The following PKHD1 variants were observed in gnomAD, a reference collection of about 807,000 sequenced individuals.
PKHD1 encodes the protein PKHD1 ciliary IPT domain containing fibrocystin/polyductin, also known as fibrocystin.
In PKHD1, 291 loss-of-function variants were observed where a neutral mutation model predicts 412.0. That is an observed-to-expected ratio of 0.71 (90% confidence interval 0.64 to 0.78). PKHD1 has a LOEUF of 0.78. PKHD1 is among the 30% of genes least tolerant of loss of function. PKHD1 has a pLI of 0.00. For missense variants in PKHD1, 4,825 were observed against 4,950.7 expected (o/e 0.97, Z 0.76); for synonymous variants, 1,777 against 1,821.5 (o/e 0.98, Z 0.62).
Position 51,659,102 on chromosome 6 carries a change from G to A in PKHD1, c.11024C>T (p.Thr3675Ile). 2 of 1,613,834 alleles carry A rather than the reference G, an allele frequency of 1.2e-6. No individual in the cohort carries two copies. Among genetic ancestry groups the A allele is most frequent in the Non-Finnish European group, 1.7e-6 (2 of 1,179,864 alleles). ...ACTTGATAAGGATGAAATCATTCCA[G>A]TGCTCCTTACTGTTGGCGAATCACC... ...EIGDSPTVRS[T>I]GMISSLSSNK... Residue 3675 changes from threonine to isoleucine, a missense_variant, in exon 61 of 67, where the codon ACT becomes ATT. By Grantham distance (89) the Thr-to-Ile change is moderately conservative. Coordinates refer to ENST00000371117, the MANE Select transcript of PKHD1 (RefSeq NM_138694.4).
chr6:52,076,209 C>A, intron 6 of PKHD1, 67 bp downstream of exon 6: 1 of 1,105,526 alleles, frequency 9.0e-7, no homozygotes, highest in East Asian at 2.4e-5. Flanking sequence ...AACCACTCAC[C>A]TAGGTTTGCA....
chr6:51,842,808 G>A (rs1281040585), intron 50 of PKHD1, among the ~76,000 whole-genome samples: 2 of 152,218 alleles, frequency 1.3e-5, no homozygotes, highest in East Asian at 3.8e-4. Context: ...CCTAAGTGCT[G>A]ACACAGGAGT....
chr6:51,998,226 A>G, intron 35 of PKHD1, among the ~76,000 whole-genome samples: 1 of 140,144 alleles, frequency 7.1e-6, no homozygotes, highest in East Asian at 2.0e-4. Flanking sequence ...GTCAACACAG[A>G]AAAAAAAAAA....
chr6:51,839,378 T>C (rs956555556), intron 50 of PKHD1, among the ~76,000 whole-genome samples: 4 of 152,202 alleles, frequency 2.6e-5, no homozygotes, highest in Non-Finnish European at 5.9e-5. Flanking sequence ...CTTCCCAGAT[T>C]GTAAGAAGAT....
chr6:51,739,419 C>G (rs568446037), intron 60 of PKHD1, among the ~76,000 whole-genome samples: 2 of 151,996 alleles, frequency 1.3e-5, no homozygotes, highest in Non-Finnish European at 2.9e-5. Flanking sequence ...TTAGTAGAGA[C>G]GGATTTTCAT....
intron 11 of PKHD1, among the ~76,000 whole-genome samples, chr6:52,068,231 C>G (rs1484617542): frequency 6.6e-6 from 1 of 152,166 alleles, no homozygotes; most frequent in African/African-American, 2.4e-5. Context: ...TGAATGTCAG[C>G]CCCTGAGGAG....
intron 35 of PKHD1, among the ~76,000 whole-genome samples, chr6:51,966,227 A>C (rs1477183920): frequency 6.6e-6 from 1 of 152,198 alleles, no homozygotes; most frequent in Non-Finnish European, 1.5e-5. Flanking sequence ...TATACATTTT[A>C]GGGAGACATG....
chr6:51,908,390 G>A (rs1011336745), intron 40 of PKHD1, among the ~76,000 whole-genome samples: 2 of 152,040 alleles, frequency 1.3e-5, no homozygotes, highest in Admixed American at 1.3e-4. Flanking sequence ...TCCTTTGTCA[G>A]GCATCAACCT....
intron 37 of PKHD1, among the ~76,000 whole-genome samples, chr6:51,933,062 C>G (rs1786906473): frequency 6.6e-6 from 1 of 152,152 alleles, no homozygotes; most frequent in Non-Finnish European, 1.5e-5. Flanking sequence ...GATTGAGTCA[C>G]TATCTGGAGC....
chr6:51,706,026 T>C (rs1007672294), intron 60 of PKHD1, among the ~76,000 whole-genome samples: 1 of 152,162 alleles, frequency 6.6e-6, no homozygotes, highest in African/African-American at 2.4e-5. Context: ...CATTTACAGA[T>C]ATTAAATGCC....
At chr6:51,838,805 C>CT (rs1478163897) in intron 50 of PKHD1, among the ~76,000 whole-genome samples, 3 of 152,102 alleles carry the variant, frequency 2.0e-5, no homozygotes, top group African/African-American at 7.2e-5. Flanking sequence ...GGGCCACTGA[C>CT]AAGTTATTTG....
intron 35 of PKHD1, among the ~76,000 whole-genome samples, chr6:52,003,555 CA>C (rs1271122130): frequency 6.6e-6 from 1 of 152,110 alleles, no homozygotes; most frequent in Non-Finnish European, 1.5e-5. Context: ...TTCTCCCCAC[CA>C]ATATTGTCCT....
intron 35 of PKHD1, among the ~76,000 whole-genome samples, chr6:51,981,555 G>C: frequency 6.6e-6 from 1 of 150,638 alleles, no homozygotes; most frequent in Non-Finnish European, 1.5e-5. Flanking sequence ...CTAGCCGCGA[G>C]TGATCCGCCA....
At chr6:51,970,086 C>T (rs2127989426) in intron 35 of PKHD1, among the ~76,000 whole-genome samples, 1 of 152,284 alleles carries the variant, frequency 6.6e-6, no homozygotes, top group Middle Eastern at 3.4e-3. Flanking sequence ...TTCTCAGCAT[C>T]CTCACCAATA....
At chr6:52,067,115 T>C (rs1342418001) in intron 11 of PKHD1, among the ~76,000 whole-genome samples, 1 of 152,042 alleles carries the variant, frequency 6.6e-6, no homozygotes, top group Non-Finnish European at 1.5e-5. Flanking sequence ...AAAATAGACA[T>C]TTTAGGAGGT....
chr6:52,045,153 T>C, intron 24 of PKHD1, 65 bp from the exon 25 acceptor site: 1 of 1,506,662 alleles, frequency 6.6e-7, no homozygotes, highest in Non-Finnish European at 9.2e-7. Context: ...TCTAATCAAA[T>C]AATAAAGAGT....
At chr6:51,870,272 G>A (rs1775773744) in intron 47 of PKHD1, among the ~76,000 whole-genome samples, 1 of 152,138 alleles carries the variant, frequency 6.6e-6, no homozygotes, top group Non-Finnish European at 1.5e-5. Context: ...AGAGACATAG[G>A]ACCATAATGA....
At chr6:51,975,963 T>TAAAACAAAAAAAA (rs1794361612) in intron 35 of PKHD1, 1 of 69,766 alleles carries the variant, frequency 1.4e-5, no homozygotes, top group Non-Finnish European at 2.7e-5. Flanking sequence ...TTTCTCTAAT[T>TAAAACAAAAAAAA]AAAAAAAAAA....
In PKHD1 at chr6:51,675,954, C is replaced by A. The variant is rs550531857; in HGVS notation, c.10157-15985G>T. 4.6e-5 allele frequency among the ~76,000 whole-genome samples: 7 copies of A among 152,228 alleles called. No homozygotes were observed. The South Asian group carries it at 6.2e-4, about 14-fold the overall frequency. The stretch of plus-strand genomic sequence containing the variant: ...GTGTATACTTTAACTTCCTAAAATA[C>A]CCTGGTCATTCAGTATGCTCTGTCC... On this transcript the variant is annotated intron_variant, in intron 60 of 66. Transcript: ENST00000371117.
Sources: allele counts gnomAD v4.1 joint callset (sites outside exome capture counted in the v4.1 genomes callset), GRCh38; gene constraint gnomAD v4.1.1; transcripts MANE v1.5; gene names NCBI Gene and HGNC (gene_info 2026-07-23, HGNC 2026-07-21).